Variants in DPP10 observed in about 807,000 individuals in gnomAD.
DPP10 encodes the protein inactive dipeptidyl peptidase 10.
Under a neutral mutation model 120.9 loss-of-function variants are expected in DPP10, and 33 were observed. The ratio of observed to expected loss-of-function variants is 0.27; its 90% CI spans 0.21 to 0.37. The LOEUF (loss-of-function observed/expected upper bound fraction) is 0.37, where lower values mean the gene tolerates loss of function less well. Among genes scored for constraint, DPP10 ranks in the 10% least tolerant of loss-of-function variants. The probability of loss-of-function intolerance (pLI) is 1.00; values close to 1 mark genes in which losing one functional copy is unlikely to be tolerated. For missense variants in DPP10, 816 were observed against 942.8 expected, an observed-to-expected ratio of 0.87 and a Z score of 1.76; for synonymous variants, 337 against 326.1, an observed-to-expected ratio of 1.03 and a Z score of -0.36.
chr2:114,564,461 T>A (rs146020204), intron 1 of DPP10, among the ~76,000 whole-genome samples: 1 of 152,286 alleles, frequency 6.6e-6, no homozygotes, highest in Non-Finnish European at 1.5e-5. Flanking sequence ...CTTCCCCCTA[T>A]TTCATATTGA....
intron 1 of DPP10, among the ~76,000 whole-genome samples, chr2:114,473,987 T>A (rs777081186): frequency 2.6e-5 from 4 of 152,228 alleles, no homozygotes; most frequent in Non-Finnish European, 4.4e-5. Flanking sequence ...AGATAGAGTC[T>A]CTCTCTGTCG....
intron 5 of DPP10, among the ~76,000 whole-genome samples, chr2:115,526,601 G>A (rs977666019): frequency 2.0e-5 from 3 of 152,078 alleles, no homozygotes; most frequent in East Asian, 1.9e-4. Context: ...TCATTTGCAC[G>A]ATTAAAAAGC....
chr2:114,924,685 G>A (rs2104453031), intron 1 of DPP10, among the ~76,000 whole-genome samples: 1 of 152,130 alleles, frequency 6.6e-6, no homozygotes. Flanking sequence ...CTGGTTTGTT[G>A]GAGGACACAC....
chr2:115,300,122 A>G (rs977288291), intron 1 of DPP10, among the ~76,000 whole-genome samples: 1 of 152,026 alleles, frequency 6.6e-6, no homozygotes, highest in Non-Finnish European at 1.5e-5. Context: ...CATTGACATT[A>G]AGTACATTTG....
intron 1 of DPP10, among the ~76,000 whole-genome samples, chr2:115,043,489 G>A (rs1466455206): frequency 6.6e-6 from 1 of 152,122 alleles, no homozygotes; most frequent in Non-Finnish European, 1.5e-5. Flanking sequence ...TTCTTCAATG[G>A]AAACACACAA....
intron 1 of DPP10, among the ~76,000 whole-genome samples, chr2:115,025,319 C>G (rs929480865): frequency 6.6e-6 from 1 of 152,110 alleles, no homozygotes; most frequent in South Asian, 2.1e-4. Flanking sequence ...CATGTTACTT[C>G]AAATGACAGG....
At chr2:114,948,037 T>A (rs1697497616) in intron 1 of DPP10, among the ~76,000 whole-genome samples, 4 of 152,068 alleles carry the variant, frequency 2.6e-5, no homozygotes, top group Admixed American at 2.6e-4. Flanking sequence ...TCTTTATATA[T>A]TTTTCCCTCC....
chr2:114,462,245 A>T, intron 1 of DPP10: 1 of 612,624 alleles, frequency 1.6e-6, no homozygotes, highest in Non-Finnish European at 2.0e-6. Flanking sequence ...CCCTATTGCT[A>T]ATATTTTACA....
At chr2:114,666,675 T>A (rs967671209) in intron 1 of DPP10, among the ~76,000 whole-genome samples, 4 of 152,178 alleles carry the variant, frequency 2.6e-5, no homozygotes, top group African/African-American at 4.8e-5. Context: ...TGAGGCACCT[T>A]AGAGGTTATC....
At chr2:115,522,822 C>A (rs1347392981) in intron 4 of DPP10, among the ~76,000 whole-genome samples, 2 of 152,046 alleles carry the variant, frequency 1.3e-5, no homozygotes, top group African/African-American at 4.8e-5. Context: ...GCATTATTGG[C>A]AATAATCAAC....
At chr2:115,783,894 G>T (rs1263440798) in intron 17 of DPP10, among the ~76,000 whole-genome samples, 2 of 152,044 alleles carry the variant, frequency 1.3e-5, no homozygotes, top group East Asian at 1.9e-4. Flanking sequence ...AAATGTGTTT[G>T]CAGTGAAGAT....
intron 5 of DPP10, among the ~76,000 whole-genome samples, chr2:115,542,545 C>T (rs1213152119): frequency 6.6e-6 from 1 of 151,918 alleles, no homozygotes; most frequent in South Asian, 2.1e-4. Context: ...ACCTAAGTGT[C>T]GACCTAAGGA....
intron 7 of DPP10, among the ~76,000 whole-genome samples, chr2:115,712,895 C>A (rs188041516): frequency 6.6e-6 from 1 of 151,908 alleles, no homozygotes; most frequent in African/African-American, 2.4e-5. Flanking sequence ...CTACAAAAAC[C>A]ATTTTTACTT....
At chr2:115,715,490 C>A (rs1435666766) in intron 7 of DPP10, among the ~76,000 whole-genome samples, 1 of 152,114 alleles carries the variant, frequency 6.6e-6, no homozygotes, top group Non-Finnish European at 1.5e-5. Flanking sequence ...GACATTCCCT[C>A]AGATTCCAAC....
At chr2:114,578,500 T>G (rs186728326) in intron 1 of DPP10, among the ~76,000 whole-genome samples, 1 of 152,282 alleles carries the variant, frequency 6.6e-6, no homozygotes, top group East Asian at 1.9e-4. Flanking sequence ...TCCATTCCTT[T>G]TTTTCCTTGA....
At chr2:114,521,547 AAG>A (rs1685052276) in intron 1 of DPP10, among the ~76,000 whole-genome samples, 1 of 152,146 alleles carries the variant, frequency 6.6e-6, no homozygotes, top group Non-Finnish European at 1.5e-5. Context: ...ATAGTCTAAA[AAG>A]AGAAAAATAT....
intron 7 of DPP10, among the ~76,000 whole-genome samples, chr2:115,718,316 G>A (rs1035344955): frequency 1.1e-4 from 17 of 152,064 alleles, no homozygotes; most frequent in African/African-American, 4.1e-4. Context: ...TGAGAAAACA[G>A]ACTCAGAGAG....
At chr2:115,192,251 C>G (rs985185789) in intron 1 of DPP10, among the ~76,000 whole-genome samples, 2 of 152,138 alleles carry the variant, frequency 1.3e-5, no homozygotes, top group Non-Finnish European at 2.9e-5. Flanking sequence ...TGTCTTCTAC[C>G]CAATGAGTAA....
chr2:115,397,006 A>G (rs1418303965), intron 3 of DPP10, among the ~76,000 whole-genome samples: 1 of 152,212 alleles, frequency 6.6e-6, no homozygotes, highest in Non-Finnish European at 1.5e-5. Flanking sequence ...TTGATTTATA[A>G]TGGGTTAATT....
Sources: allele counts gnomAD v4.1 joint callset (sites outside exome capture counted in the v4.1 genomes callset), GRCh38; gene constraint gnomAD v4.1.1; transcripts MANE v1.5; gene names NCBI Gene and HGNC (gene_info 2026-07-23, HGNC 2026-07-21).